MEF2C: variants seen among roughly 807,000 people sequenced by gnomAD.
MEF2C encodes the protein myocyte enhancer factor 2C, also known as myocyte-specific enhancer factor 2C.
MEF2C carries 6 observed loss-of-function variants against 50.5 expected under a neutral mutation model. The ratio of observed to expected loss-of-function variants is 0.12; its 90% CI spans 0.07 to 0.23. MEF2C has a LOEUF of 0.23. Ranked by LOEUF, MEF2C falls within the 10% of genes least tolerant of loss-of-function variation. MEF2C has a pLI of 1.00. For missense variants in MEF2C, 276 were observed against 605.0 expected (o/e 0.46, Z 5.70); for synonymous variants, 183 against 228.0 (o/e 0.80, Z 1.78).
chr5:88,889,971 G>A (rs1834356808), intron 1 of MEF2C, among the ~76,000 whole-genome samples: 1 of 152,188 alleles, frequency 6.6e-6, no homozygotes, highest in African/African-American at 2.4e-5. Context: ...CAACCATTTT[G>A]CAAACCTGGG....
chr5:88,734,561 GTTTGTTTTTTTTTTTTTTTTT>G (rs1763105821), intron 6 of MEF2C: 1 of 253,862 alleles, frequency 3.9e-6, no homozygotes, highest in African/African-American at 5.7e-5. Flanking sequence ...CTTGAGAAAA[GTTTGTTTTTTTTTTTTTTTTT>G]TTTTTTTTTT....
intron 3 of MEF2C, chr5:88,775,663 G>A (rs749793977): frequency 4.6e-5 from 10 of 217,708 alleles, no homozygotes; most frequent in Admixed American, 6.6e-5. Flanking sequence ...TATATGAATC[G>A]ACAGTCCAGA....
At chr5:88,809,840 G>T (rs557124932) in intron 2 of MEF2C, among the ~76,000 whole-genome samples, 1 of 152,096 alleles carries the variant, frequency 6.6e-6, no homozygotes, top group South Asian at 2.1e-4. Flanking sequence ...CACCCATCAC[G>T]CTGTAAGGGT....
chr5:88,866,373 T>C (rs573129438), intron 1 of MEF2C, among the ~76,000 whole-genome samples: 3 of 152,334 alleles, frequency 2.0e-5, no homozygotes, highest in South Asian at 4.1e-4. Flanking sequence ...ATTAAAGATA[T>C]GGTAGCTATT....
At chr5:88,779,758 A>G (rs1786831926) in intron 3 of MEF2C, among the ~76,000 whole-genome samples, 1 of 65,666 alleles carries the variant, frequency 1.5e-5, no homozygotes. Context: ...CAGCAAAGTG[A>G]GGTTTTTTTT....
intron 1 of MEF2C, among the ~76,000 whole-genome samples, chr5:88,900,882 A>G (rs569158836): frequency 6.6e-6 from 1 of 152,102 alleles, no homozygotes; most frequent in South Asian, 2.1e-4. Context: ...TTGTTCTTTG[A>G]TTTCATTTTC....
intron 1 of MEF2C, among the ~76,000 whole-genome samples, chr5:88,828,755 A>G (rs1254709019): frequency 6.6e-6 from 1 of 152,014 alleles, no homozygotes; most frequent in East Asian, 1.9e-4. Flanking sequence ...TTTTGGTTAA[A>G]AGGAACAGGC....
Position 88,719,490 on chromosome 5 carries a change from C to G in MEF2C, c.*3114G>C, listed in dbSNP as rs948664659. ...GATTAGATATAACAATACTCGCAGC[C>G]GTGTAAAATGCCACTTATGGATCTT... is the stretch of plus-strand genomic sequence containing the variant. On this transcript the variant is annotated 3_prime_UTR_variant, in exon 11 of 11. Coordinates refer to ENST00000504921, the MANE Select transcript of MEF2C (RefSeq NM_002397.5). 6.6e-6 allele frequency: 1 copy of G among 152,156 alleles called. No homozygotes were observed. The highest frequency in any genetic ancestry group is 2.1e-4 in the South Asian group (1 of 4,824). The allele number at this position is 152,156 out of a possible 1,614,324, so 9.4% of individuals were successfully genotyped here.
At chr5:88,805,845 T>C (rs1465487702) in intron 2 of MEF2C, among the ~76,000 whole-genome samples, 1 of 143,724 alleles carries the variant, frequency 7.0e-6, no homozygotes, top group Non-Finnish European at 1.5e-5. Flanking sequence ...TTTTTTTTTT[T>C]TTTTTGGAGA....
intron 1 of MEF2C, among the ~76,000 whole-genome samples, chr5:88,835,756 T>C (rs1041826594): frequency 7.0e-6 from 1 of 143,692 alleles, no homozygotes. Flanking sequence ...GAGGTTGCAA[T>C]GAGCTGAGGT....
chr5:88,801,559 C>G (rs933766354), intron 3 of MEF2C, among the ~76,000 whole-genome samples: 2 of 150,970 alleles, frequency 1.3e-5, no homozygotes, highest in Admixed American at 1.3e-4. Context: ...GTGGCGCGAT[C>G]TCGGCTTGCT....
intron 3 of MEF2C, among the ~76,000 whole-genome samples, chr5:88,793,038 G>A (rs1794487736): frequency 6.6e-6 from 1 of 152,114 alleles, no homozygotes; most frequent in Admixed American, 6.6e-5. Context: ...AACGTGTACA[G>A]TCCCTTGCCC....
intron 4 of MEF2C, among the ~76,000 whole-genome samples, chr5:88,756,990 C>G (rs988077128): frequency 2.0e-5 from 3 of 152,014 alleles, no homozygotes; most frequent in African/African-American, 7.2e-5. Context: ...TGTGGGGGCC[C>G]TTTTTAAAAA....
At chr5:88,873,576 T>G (rs532250712) in intron 1 of MEF2C, among the ~76,000 whole-genome samples, 2 of 151,926 alleles carry the variant, frequency 1.3e-5, no homozygotes, top group African/African-American at 4.8e-5. Flanking sequence ...ACGCTCACTC[T>G]AAATCAAGCA....
rs1030859335 is a variant in MEF2C at position 88,717,182 on chromosome 5, G to A, written c.*5422C>T. 3.3e-5 allele frequency: 5 copies of A among 152,174 alleles called. No homozygotes were observed. In the East Asian group the frequency reaches 7.7e-4, roughly 24 times the overall value. The allele number at this position is 152,174 out of a possible 1,614,324, so 9.4% of individuals were successfully genotyped here. A position where few individuals can be genotyped will look rare whatever the true frequency, so the allele number is the denominator to read the frequency against. ...GGATAATGATAGCAGAACACTAAACGAAACACAAGCTAGGGCCATATGTGA... is the reference window on the plus strand; with the variant it reads ...GGATAATGATAGCAGAACACTAAACAAAACACAAGCTAGGGCCATATGTGA... On this transcript the variant is annotated 3_prime_UTR_variant, in exon 11 of 11. Coordinates refer to ENST00000504921, the MANE Select transcript of MEF2C (RefSeq NM_002397.5).
chr5:88,743,721 A>G (rs1767989003), intron 6 of MEF2C: 2 of 985,302 alleles, frequency 2.0e-6, no homozygotes, highest in Non-Finnish European at 1.2e-6. Flanking sequence ...TCACTGCTCA[A>G]TATTTATCCA....
At chr5:88,867,910 A>C (rs1030888341) in intron 1 of MEF2C, among the ~76,000 whole-genome samples, 1 of 152,196 alleles carries the variant, frequency 6.6e-6, no homozygotes, top group Non-Finnish European at 1.5e-5. Context: ...AGTCCAACCT[A>C]TCATTACGCG....
At chr5:88,784,233 G>A (rs1277508739) in intron 3 of MEF2C, among the ~76,000 whole-genome samples, 2 of 152,086 alleles carry the variant, frequency 1.3e-5, no homozygotes, top group African/African-American at 4.8e-5. Context: ...AGATAATACT[G>A]TAGACATTTC....
chr5:88,870,220 A>G (rs900318966), intron 1 of MEF2C, among the ~76,000 whole-genome samples: 8 of 152,190 alleles, frequency 5.3e-5, no homozygotes, highest in African/African-American at 1.9e-4. Context: ...GATGTTTGTG[A>G]ACTTTTAAAA....
Sources: gnomAD v4.1 joint callset for allele counts (sites outside exome capture counted in the v4.1 genomes callset) on GRCh38, gnomAD v4.1.1 for gene constraint, MANE v1.5 for transcripts, NCBI Gene and HGNC (gene_info 2026-07-23, HGNC 2026-07-21) for gene names.